GULP1: variants seen among roughly 807,000 people sequenced by gnomAD.
GULP1 encodes the protein PTB domain-containing engulfment adapter protein 1.
GULP1 carries 19 observed loss-of-function variants against 40.9 expected under a neutral mutation model. The observed-to-expected ratio is 0.46, with a 90% CI of 0.32 to 0.68. The LOEUF (loss-of-function observed/expected upper bound fraction) is 0.68, where lower values mean the gene tolerates loss of function less well. GULP1 is among the 30% of genes least tolerant of loss of function. The pLI, the probability that GULP1 is intolerant of heterozygous loss-of-function variation, is 0.03. For synonymous variants in GULP1, 119 were observed against 117.6 expected (o/e 1.01, Z -0.08); for missense variants, 312 against 362.2 (o/e 0.86, Z 1.12).
intron 4 of GULP1, among the ~76,000 whole-genome samples, chr2:188,502,976 ATGGG>A (rs2063569820): frequency 6.6e-6 from 1 of 151,836 alleles, no homozygotes; most frequent in Non-Finnish European, 1.5e-5. Context: ...GAAAGGACAG[ATGGG>A]CAATAAAAGG....
chr2:188,591,957 T>G (rs1466930258), intron 11 of GULP1: 1 of 151,928 alleles, frequency 6.6e-6, no homozygotes, highest in Non-Finnish European at 1.5e-5. Context: ...TCATTTTTAT[T>G]AAGAAGTTTG....
intron 1 of GULP1, among the ~76,000 whole-genome samples, chr2:188,346,472 A>C (rs932507247): frequency 6.6e-6 from 1 of 151,958 alleles, no homozygotes; most frequent in African/African-American, 2.4e-5. Context: ...TTACAACAAT[A>C]ATCTCTTTTT....
chr2:188,499,518 A>G (rs1455017784), intron 4 of GULP1, among the ~76,000 whole-genome samples: 1 of 151,682 alleles, frequency 6.6e-6, no homozygotes, highest in African/African-American at 2.4e-5. Context: ...GTCTCTGCTA[A>G]ATATTACTAC....
chr2:188,468,717 T>C (rs1351127876), intron 2 of GULP1, among the ~76,000 whole-genome samples: 1 of 152,064 alleles, frequency 6.6e-6, no homozygotes, highest in Non-Finnish European at 1.5e-5. Flanking sequence ...TGAAATAGAT[T>C]GGGGTTAGTT....
intron 10 of GULP1, among the ~76,000 whole-genome samples, chr2:188,585,355 A>G (rs2153463756): frequency 6.6e-6 from 1 of 152,342 alleles, no homozygotes; most frequent in African/African-American, 2.4e-5. Flanking sequence ...TCCACTAGGC[A>G]GTGCCCCAGT....
At chr2:188,578,069 A>G (rs1434704723) in intron 9 of GULP1, among the ~76,000 whole-genome samples, 1 of 151,920 alleles carries the variant, frequency 6.6e-6, no homozygotes, top group Non-Finnish European at 1.5e-5. Context: ...ATTGTGATAA[A>G]TTATATTTTA....
chr2:188,526,330 T>C (rs1424716832), intron 5 of GULP1, among the ~76,000 whole-genome samples: 2 of 152,142 alleles, frequency 1.3e-5, no homozygotes, highest in African/African-American at 2.4e-5. Context: ...TATTCAGGGT[T>C]TAATGGCAGA....
chr2:188,345,792 G>A (rs1242513029), intron 1 of GULP1, among the ~76,000 whole-genome samples: 1 of 152,196 alleles, frequency 6.6e-6, no homozygotes, highest in East Asian at 1.9e-4. Context: ...GTTTAGAAGA[G>A]AGGAGAAAAT....
At chr2:188,312,435 A>G (rs1380914909) in intron 1 of GULP1, among the ~76,000 whole-genome samples, 2 of 152,120 alleles carry the variant, frequency 1.3e-5, no homozygotes, top group African/African-American at 4.8e-5. Context: ...GCTGAGGATG[A>G]TGGCTTCCAG....
intron 2 of GULP1, among the ~76,000 whole-genome samples, chr2:188,434,453 A>AT (rs1373935730): frequency 6.6e-6 from 1 of 150,990 alleles, no homozygotes; most frequent in Non-Finnish European, 1.5e-5. Flanking sequence ...AATTTAAAGT[A>AT]TTTTTTTAAT....
At chr2:188,444,784 T>G (rs532913488) in intron 2 of GULP1, among the ~76,000 whole-genome samples, 4 of 152,212 alleles carry the variant, frequency 2.6e-5, no homozygotes, top group Non-Finnish European at 5.9e-5. Context: ...GCATTTCAGG[T>G]CAGCAAATTC....
At chr2:188,563,823 A>C (rs184807612) in intron 7 of GULP1, among the ~76,000 whole-genome samples, 192 of 152,092 alleles carry the variant, frequency 1.3e-3, no homozygotes, top group Admixed American at 6.0e-3. Flanking sequence ...AAGACCTTAC[A>C]AAAAATGAAA....
chr2:188,489,232 C>T (rs1195595525), intron 4 of GULP1, among the ~76,000 whole-genome samples: 3 of 152,004 alleles, frequency 2.0e-5, no homozygotes, highest in African/African-American at 7.2e-5. Context: ...CCTCTGTAAT[C>T]GATGAGATGC....
intron 2 of GULP1, among the ~76,000 whole-genome samples, chr2:188,418,689 A>C (rs2054929702): frequency 6.6e-6 from 1 of 152,216 alleles, no homozygotes; most frequent in African/African-American, 2.4e-5. Context: ...TTAATAATTA[A>C]TGTTTCACAA....
chr2:188,424,923 A>T (rs565465647), intron 2 of GULP1, among the ~76,000 whole-genome samples: 2 of 152,146 alleles, frequency 1.3e-5, no homozygotes, highest in South Asian at 4.1e-4. Context: ...TAAAGGTTTG[A>T]TCAGAATCAT....
chr2:188,422,044 C>A, intron 2 of GULP1, among the ~76,000 whole-genome samples: 1 of 148,186 alleles, frequency 6.7e-6, no homozygotes, highest in Non-Finnish European at 1.5e-5. Context: ...AAGAAATATT[C>A]GCAACTTAAA....
chr2:188,470,978 G>A (rs1229588776), intron 2 of GULP1, among the ~76,000 whole-genome samples: 1 of 152,000 alleles, frequency 6.6e-6, no homozygotes, highest in African/African-American at 2.4e-5. Flanking sequence ...TTTTTTGTCT[G>A]GAACATCGGT....
At chr2:188,560,699 TG>T (rs1696019439) in intron 7 of GULP1, among the ~76,000 whole-genome samples, 1 of 152,152 alleles carries the variant, frequency 6.6e-6, no homozygotes, top group South Asian at 2.1e-4. Context: ...ACAGGAAGCA[TG>T]ATGCTGGCCT....
intron 4 of GULP1, among the ~76,000 whole-genome samples, chr2:188,509,856 A>G (rs1257642171): frequency 6.6e-6 from 1 of 152,128 alleles, no homozygotes; most frequent in Non-Finnish European, 1.5e-5. Context: ...CACTCTGGTC[A>G]TTGAAGATGT....
Sources: allele counts gnomAD v4.1 joint callset (sites outside exome capture counted in the v4.1 genomes callset), GRCh38; gene constraint gnomAD v4.1.1; transcripts MANE v1.5; gene names NCBI Gene and HGNC (gene_info 2026-07-23, HGNC 2026-07-21).